The following TCF4 variants were observed in gnomAD, a reference collection of about 807,000 sequenced individuals.
TCF4 encodes SL3-3 enhancer factor 2.
In TCF4, 3 loss-of-function variants were observed where a neutral mutation model predicts 82.1. The observed-to-expected ratio is 0.04, with a 90% CI of 0.02 to 0.09. The LOEUF (loss-of-function observed/expected upper bound fraction) is 0.09, where lower values mean the gene tolerates loss of function less well. Ranked by LOEUF, TCF4 falls within the 10% of genes least tolerant of loss-of-function variation. The probability of loss-of-function intolerance (pLI) is 1.00; values close to 1 mark genes in which losing one functional copy is unlikely to be tolerated. For missense variants in TCF4, 518 were observed against 852.7 expected (o/e 0.61, Z 4.89); for synonymous variants, 276 against 309.6 (o/e 0.89, Z 1.14).
chr18:55,454,059 C>T (rs543512969), intron 5 of TCF4, among the ~76,000 whole-genome samples: 4 of 152,110 alleles, frequency 2.6e-5, no homozygotes, highest in African/African-American at 7.2e-5. Context: ...AACAGGATCT[C>T]GCTATGTTGC....
intron 8 of TCF4, among the ~76,000 whole-genome samples, chr18:55,290,659 T>C (rs1017170501): frequency 1.3e-5 from 2 of 152,136 alleles, no homozygotes; most frequent in Admixed American, 1.3e-4. Flanking sequence ...CAAATGTCTT[T>C]AGTGCTGTGT....
At chr18:55,579,482 G>C (rs879399783) in intron 3 of TCF4, among the ~76,000 whole-genome samples, 2 of 151,716 alleles carry the variant, frequency 1.3e-5, no homozygotes, top group African/African-American at 4.8e-5. Flanking sequence ...AGAAAGGGCA[G>C]ATTTTTCTGT....
chr18:55,294,361 T>C (rs1357277540), intron 8 of TCF4, among the ~76,000 whole-genome samples: 1 of 152,130 alleles, frequency 6.6e-6, no homozygotes, highest in African/African-American at 2.4e-5. Context: ...GGAGCAAAGA[T>C]TGTGGTTTAG....
intron 6 of TCF4, among the ~76,000 whole-genome samples, chr18:55,386,657 T>C (rs1406350476): frequency 1.3e-5 from 2 of 152,138 alleles, no homozygotes; most frequent in Non-Finnish European, 2.9e-5. Flanking sequence ...TATGTTTCAA[T>C]ATATGAAAAG....
At chr18:55,356,856 G>T (rs1228795365) in intron 6 of TCF4, among the ~76,000 whole-genome samples, 2 of 152,116 alleles carry the variant, frequency 1.3e-5, no homozygotes, top group Non-Finnish European at 2.9e-5. Context: ...AATTCCCAAA[G>T]AAATCAATTG....
intron 2 of TCF4, among the ~76,000 whole-genome samples, chr18:55,600,382 T>C (rs2097695567): frequency 6.6e-6 from 1 of 152,228 alleles, no homozygotes; most frequent in Non-Finnish European, 1.5e-5. Flanking sequence ...TAAATTATTA[T>C]GATGTATAGA....
At chr18:55,423,661 C>T (rs2094867729) in intron 5 of TCF4, 1 of 152,320 alleles carries the variant, frequency 6.6e-6, no homozygotes, top group Non-Finnish European at 1.5e-5. Context: ...ATGACCAAAC[C>T]AATCAATCAC....
chr18:55,239,903 T>C (rs1156316378), intron 15 of TCF4, among the ~76,000 whole-genome samples: 1 of 152,244 alleles, frequency 6.6e-6, no homozygotes, highest in Non-Finnish European at 1.5e-5. Flanking sequence ...TATTCTGTTG[T>C]ATTTAAGAGG....
At chr18:55,502,820 TAGAC>T (rs1228563095) in intron 3 of TCF4, among the ~76,000 whole-genome samples, 2 of 152,302 alleles carry the variant, frequency 1.3e-5, no homozygotes, top group South Asian at 2.1e-4. Context: ...CTATTCTTAA[TAGAC>T]AGGAAAATTT....
chr18:55,593,295 T>C (rs1212058286), upstream of TCF4, among the ~76,000 whole-genome samples: 2 of 152,160 alleles, frequency 1.3e-5, no homozygotes, highest in African/African-American at 4.8e-5. Flanking sequence ...CTTAAATACC[T>C]TACATGACTG....
chr18:55,635,600 G>T, intron 1 of TCF4: 1 of 1,405,920 alleles, frequency 7.1e-7, no homozygotes. Flanking sequence ...AGAGGTTAGA[G>T]AGCTAGAAAC....
chr18:55,227,963 G>T lies in TCF4; in HGVS notation c.*72C>A. On this transcript the variant is annotated 3_prime_UTR_variant, in exon 20 of 20. Coordinates refer to ENST00000354452, the MANE Select transcript of TCF4 (RefSeq NM_001083962.2). ...GGGGTTAAGGAGAAGTGTTTATGTG[G>T]GTTTAAGATAATACAGCTGTTAAGG... The T allele has an allele frequency of 4.4e-6, 2 of 459,524 alleles. No homozygotes were observed. Among genetic ancestry groups the T allele is most frequent in the Non-Finnish European group, 7.9e-6 (2 of 252,578 alleles). The allele number at this position is 459,524 out of a possible 1,614,324, so 28.5% of individuals were successfully genotyped here. A position where few individuals can be genotyped will look rare whatever the true frequency, so the allele number is the denominator to read the frequency against.
chr18:55,372,254 A>C (rs1219753671), intron 6 of TCF4, among the ~76,000 whole-genome samples: 2 of 152,158 alleles, frequency 1.3e-5, no homozygotes, highest in African/African-American at 2.4e-5. Flanking sequence ...AATTATTCTT[A>C]AAGATAAAAG....
chr18:55,459,234 C>T (rs573832393), intron 5 of TCF4, among the ~76,000 whole-genome samples: 117 of 152,276 alleles, frequency 7.7e-4, no homozygotes, highest in African/African-American at 2.6e-3. Flanking sequence ...CAGCTCTCTC[C>T]GCTCTAGACT....
rs531697791 is a variant in TCF4 at position 55,627,961 on chromosome 18, G to A, written c.286+3337C>T. Among the ~76,000 whole-genome samples, 3 of 152,250 alleles carry A rather than the reference G, an allele frequency of 2.0e-5. No individual in the cohort carries two copies. The East Asian group carries it at 5.8e-4, about 29-fold the overall frequency. ...TGTAGTCCCAGCTACTCGGGAGACTGAGGGAGAAGAATGGCGTGAACCCGG... is the reference window on the plus strand; with the variant it reads ...TGTAGTCCCAGCTACTCGGGAGACTAAGGGAGAAGAATGGCGTGAACCCGG... On this transcript the variant is annotated intron_variant, in intron 2 of 20. Transcript: ENST00000398339.
At chr18:55,238,021 T>C (rs565527125) in intron 15 of TCF4, among the ~76,000 whole-genome samples, 2 of 152,346 alleles carry the variant, frequency 1.3e-5, no homozygotes, top group African/African-American at 2.4e-5. Flanking sequence ...GGCCCATTCA[T>C]AGAATGACCC....
chr18:55,329,960 C>T (rs2077222649), intron 8 of TCF4, among the ~76,000 whole-genome samples: 2 of 152,234 alleles, frequency 1.3e-5, no homozygotes, highest in South Asian at 4.1e-4. Context: ...TGAAGATATC[C>T]CTTACTGCCG....
chr18:55,427,407 A>G (rs893905606), intron 5 of TCF4, among the ~76,000 whole-genome samples: 1 of 152,198 alleles, frequency 6.6e-6, no homozygotes, highest in African/African-American at 2.4e-5. Flanking sequence ...TAACTACATT[A>G]ATAATAAGAA....
At chr18:55,402,020 C>T (rs905754597) in intron 6 of TCF4, 75 of 984,514 alleles carry the variant, frequency 7.6e-5, no homozygotes, top group Non-Finnish European at 8.4e-5. Context: ...AGAGGCTTGT[C>T]GCCCAGGCTA....
Sources: gnomAD v4.1 joint callset for allele counts (sites outside exome capture counted in the v4.1 genomes callset) on GRCh38, gnomAD v4.1.1 for gene constraint, MANE v1.5 for transcripts, NCBI Gene and HGNC (gene_info 2026-07-23, HGNC 2026-07-21) for gene names.